CAMK2D: variants seen among roughly 807,000 people sequenced by gnomAD.
CAMK2D encodes the protein calcium/calmodulin-dependent protein kinase type II subunit delta.
Under a neutral mutation model 84.0 loss-of-function variants are expected in CAMK2D, and 37 were observed. The ratio of observed to expected loss-of-function variants is 0.44; its 90% CI spans 0.34 to 0.58. CAMK2D has a LOEUF of 0.58. CAMK2D is among the 20% of genes least tolerant of loss of function. CAMK2D has a pLI of 0.02. For missense variants in CAMK2D, 448 were observed against 652.5 expected (o/e 0.69, Z 3.41); for synonymous variants, 202 against 212.5 (o/e 0.95, Z 0.43).
At position 113,755,197 on chromosome 4, in the gene CAMK2D, C is replaced by CACAT. The variant is rs1554098117; in HGVS notation, c.160+4122_160+4123insATGT. The CACAT allele has an allele frequency of 5.4e-4, 143 of 266,254 alleles. 1 individual carries two copies. Among genetic ancestry groups the CACAT allele is most frequent in the East Asian group, 4.4e-3 (25 of 5,664 alleles). 16.5% of individuals were successfully genotyped at this position (266,254 alleles called of 1,614,324 possible). ...ATACACACACACACACACACACACACACACACACACAAAACATTTAGATTT... is the reference window on the plus strand; with the variant it reads ...ATACACACACACACACACACACACACACATACACACACACAAAACATTTAGATTT... On this transcript the variant is annotated intron_variant, in intron 2 of 20. Transcript: ENST00000511664.
intron 4 of CAMK2D, among the ~76,000 whole-genome samples, chr4:113,608,317 C>T (rs76989523): frequency 0.016 from 2,422 of 152,224 alleles, 52 homozygotes; most frequent in African/African-American, 0.054. Flanking sequence ...TAAATCTTTC[C>T]CAAAACTCTG....
chr4:113,748,732 A>G (rs958578424), intron 2 of CAMK2D, among the ~76,000 whole-genome samples: 4 of 152,106 alleles, frequency 2.6e-5, no homozygotes, highest in African/African-American at 7.2e-5. Flanking sequence ...AGAAAAAGAA[A>G]GTGACAAAAT....
At chr4:113,558,631 G>A (rs548344021) in intron 4 of CAMK2D, among the ~76,000 whole-genome samples, 14 of 152,312 alleles carry the variant, frequency 9.2e-5, no homozygotes, top group Non-Finnish European at 1.6e-4. Flanking sequence ...TGTGGATAGT[G>A]AGGAACAACT....
chr4:113,614,796 T>C (rs139624876), intron 3 of CAMK2D, among the ~76,000 whole-genome samples: 22 of 152,312 alleles, frequency 1.4e-4, no homozygotes, highest in African/African-American at 4.8e-4. Context: ...AAATGTGTGA[T>C]TGACCACATT....
In CAMK2D at chr4:113,735,348, G is replaced by A. The variant is rs1042932490; in HGVS notation, c.160+23972C>T. 4.8e-5 allele frequency among the ~76,000 whole-genome samples: 7 copies of A among 144,908 alleles called. No individual in the cohort carries two copies. In the South Asian group the frequency reaches 1.1e-3, roughly 23 times the overall value. ...AAATTAGCTGGGCATGGTGGTGTGC[G>A]CCTGTGGTCACAGCTACTTGGGAGG... is the stretch of plus-strand genomic sequence containing the variant. On this transcript the variant is annotated intron_variant, in intron 2 of 20. Transcript: ENST00000511664.
intron 4 of CAMK2D, among the ~76,000 whole-genome samples, chr4:113,604,723 A>G (rs1175356975): frequency 2.0e-5 from 3 of 152,206 alleles, no homozygotes; most frequent in Non-Finnish European, 4.4e-5. Flanking sequence ...TAAAAATCTT[A>G]TTCTGTTTCC....
intron 19 of CAMK2D, 101 bp from the exon 20 acceptor site, chr4:113,455,922 A>C: frequency 2.9e-6 from 2 of 693,160 alleles, no homozygotes; most frequent in South Asian, 3.4e-5. Context: ...AAAAACCTAA[A>C]CCCCTGGTAC....
chr4:113,597,401 G>A (rs1238637275), intron 4 of CAMK2D, among the ~76,000 whole-genome samples: 1 of 152,114 alleles, frequency 6.6e-6, no homozygotes, highest in Non-Finnish European at 1.5e-5. Context: ...TTCACACTGC[G>A]CTTTTTTGTT....
At position 113,536,703 on chromosome 4, in the gene CAMK2D, A is replaced by G. The variant is rs748366971; in HGVS notation, c.517+638T>C. ...TTCAGACTGAATATTGAAACAAAAC[A>G]TAAGTCTGGTTAGAAATACTATAAT... On this transcript the variant is annotated intron_variant, in intron 7 of 20. Coordinates refer to ENST00000511664, the MANE Select transcript of CAMK2D (RefSeq NM_001321571.2). Among the ~76,000 whole-genome samples, 4 of 152,304 alleles carry G rather than the reference A, an allele frequency of 2.6e-5. No individual in the cohort carries two copies. The South Asian group carries it at 8.3e-4, about 32-fold the overall frequency.
chr4:113,574,487 C>T (rs996971157), intron 4 of CAMK2D, among the ~76,000 whole-genome samples: 6 of 152,150 alleles, frequency 3.9e-5, no homozygotes, highest in Non-Finnish European at 7.3e-5. Flanking sequence ...TCATCAGTCA[C>T]GAAGGAAAAG....
chr4:113,695,743 T>C (rs1490835367), intron 2 of CAMK2D, among the ~76,000 whole-genome samples: 1 of 152,118 alleles, frequency 6.6e-6, no homozygotes, highest in African/African-American at 2.4e-5. Context: ...CCTTCCTTTC[T>C]TGCAGTTTAC....
At chr4:113,710,631 T>C (rs1047940391) in intron 2 of CAMK2D, among the ~76,000 whole-genome samples, 14 of 152,184 alleles carry the variant, frequency 9.2e-5, no homozygotes, top group Non-Finnish European at 1.5e-4. Flanking sequence ...TTTAGACAAG[T>C]CTTAGATCTT....
intron 2 of CAMK2D, among the ~76,000 whole-genome samples, chr4:113,733,986 GT>G (rs2099575214): frequency 1.3e-5 from 2 of 152,214 alleles, no homozygotes; most frequent in African/African-American, 4.8e-5. Context: ...GAAAAATGTT[GT>G]TTTTAAGGAA....
intron 3 of CAMK2D, among the ~76,000 whole-genome samples, chr4:113,623,674 T>C (rs959156343): frequency 2.6e-5 from 4 of 152,156 alleles, no homozygotes; most frequent in African/African-American, 9.7e-5. Context: ...AGTAAAAATA[T>C]GGTATTATCT....
intron 4 of CAMK2D, among the ~76,000 whole-genome samples, chr4:113,595,644 C>T (rs1345827214): frequency 1.3e-5 from 2 of 152,168 alleles, no homozygotes; most frequent in Non-Finnish European, 2.9e-5. Context: ...AAATGAGTCA[C>T]AGCTTTATTT....
intron 2 of CAMK2D, among the ~76,000 whole-genome samples, chr4:113,733,543 G>A (rs1450904115): frequency 6.6e-6 from 1 of 152,182 alleles, no homozygotes; most frequent in African/African-American, 2.4e-5. Flanking sequence ...AAAGGGAAAA[G>A]TCAAGTTATC....
Position 113,761,154 on chromosome 4 carries a change from C to G in CAMK2D, c.-86G>C. 6.2e-7 allele frequency: 1 copy of G among 1,602,850 alleles called. No homozygotes were observed. On this transcript the variant is annotated 5_prime_UTR_variant, in exon 1 of 21. Coordinates refer to ENST00000511664, the MANE Select transcript of CAMK2D (RefSeq NM_001321571.2). ...GCTAACCCCGGGACTGGCCCCGCGGCGCTGTCACCCAGGGCCGCTCTTACT... is the reference window on the plus strand; with the variant it reads ...GCTAACCCCGGGACTGGCCCCGCGGGGCTGTCACCCAGGGCCGCTCTTACT...
rs931664514 is a variant in CAMK2D at position 113,453,435 on chromosome 4, T to G, written c.*1110A>C. 2.6e-5 allele frequency: 4 copies of G among 152,184 alleles called. No individual in the cohort carries two copies. Among genetic ancestry groups the G allele is most frequent in the African/African-American group, 9.7e-5 (4 of 41,444 alleles). The allele number at this position is 152,184 out of a possible 1,614,324, so 9.4% of individuals were successfully genotyped here. A position where few individuals can be genotyped will look rare whatever the true frequency, so the allele number is the denominator to read the frequency against. On this transcript the variant is annotated 3_prime_UTR_variant, in exon 21 of 21. Transcript: ENST00000511664. ...GGCAACTGTCCCAATCAGTAAGACG[T>G]TGCAGTCACAGGAGGAACTTGCTTT...
chr4:113,617,454 C>T (rs1450631123), intron 3 of CAMK2D, among the ~76,000 whole-genome samples: 1 of 147,468 alleles, frequency 6.8e-6, no homozygotes, highest in African/African-American at 2.5e-5. Context: ...CAGAGTGATA[C>T]CCTGTCTTAA....
Sources: allele counts gnomAD v4.1 joint callset (sites outside exome capture counted in the v4.1 genomes callset), GRCh38; gene constraint gnomAD v4.1.1; transcripts MANE v1.5; gene names NCBI Gene and HGNC (gene_info 2026-07-23, HGNC 2026-07-21).